ZNF214: variants seen among roughly 807,000 people sequenced by gnomAD.
ZNF214 encodes BWSCR2-associated zinc finger protein 1.
In ZNF214, 43 loss-of-function variants were observed where a neutral mutation model predicts 53.9. The observed-to-expected ratio is 0.80, with a 90% confidence interval of 0.63 to 1.03. ZNF214 has a LOEUF of 1.03. Among genes scored for constraint, ZNF214 ranks in the 50% least tolerant of loss-of-function variants. The pLI, the probability that ZNF214 is intolerant of heterozygous loss-of-function variation, is 0.00. For missense variants in ZNF214, 724 were observed against 719.1 expected (o/e 1.01, Z -0.08); for synonymous variants, 217 against 229.5 (o/e 0.95, Z 0.49).
rs189697181 is a variant in ZNF214 at position 7,002,736 on chromosome 11, C to G, written c.100G>C (p.Glu34Gln). 7.0e-5 allele frequency: 113 copies of G among 1,606,616 alleles called. No homozygotes were observed. The Middle Eastern group carries it at 1.0e-3, about 14-fold the overall frequency. The change falls in exon 2 of 3, where the codon GAG becomes CAG. Residue 34 changes from glutamate to glutamine, a missense_variant. Physicochemically the swap from Glu to Gln is conservative, Grantham distance 29 (BLOSUM62 2). Coordinates refer to ENST00000278314, the MANE Select transcript of ZNF214 (RefSeq NM_013249.4). The part of the protein sequence containing the change: ...QKRLYREVMW[E>Q]NYTNVMSVEN... Reference sequence around the variant, plus strand: ...ACTGACATGACATTTGTGTAGTTCTCCCACATGACCTCCCTGTAGAGTCTT... The same window carrying G: ...ACTGACATGACATTTGTGTAGTTCTGCCACATGACCTCCCTGTAGAGTCTT...
chr11:7,012,587 G>GA (rs1239435156), intron 1 of ZNF214, among the ~76,000 whole-genome samples: 1 of 151,942 alleles, frequency 6.6e-6, no homozygotes, highest in Non-Finnish European at 1.5e-5. Flanking sequence ...AGCACAAATA[G>GA]AAAAAAATAA....
rs1013808298 is a variant in ZNF214 at position 6,997,168 on chromosome 11, C to T, written c.*2694G>A. Among the ~76,000 whole-genome samples the T allele has an allele frequency of 2.0e-5, 3 of 151,750 alleles. No homozygotes were observed. Among genetic ancestry groups the T allele is most frequent in the African/African-American group, 7.3e-5 (3 of 41,378 alleles). On this transcript the variant is annotated 3_prime_UTR_variant, in exon 3 of 3. Coordinates refer to ENST00000278314, the MANE Select transcript of ZNF214 (RefSeq NM_013249.4). ...CCAGATTTTTTGACAATTACATTTC[C>T]TGAATATTCCAAGAATTTAGAAAAC... is the stretch of plus-strand genomic sequence containing the variant.
At chr11:7,011,353 A>G (rs1217489348) in intron 1 of ZNF214, among the ~76,000 whole-genome samples, 1 of 152,188 alleles carries the variant, frequency 6.6e-6, no homozygotes, top group African/African-American at 2.4e-5. Context: ...TAGGAATGCA[A>G]GGATCGTTCA....
intron 1 of ZNF214, among the ~76,000 whole-genome samples, chr11:7,011,770 T>TA (rs1366715967): frequency 1.3e-5 from 2 of 151,074 alleles, no homozygotes; most frequent in African/African-American, 4.9e-5. Context: ...GAGTATACAA[T>TA]AAACTATAAA....
chr11:7,009,424 A>G (rs12363808), intron 1 of ZNF214, among the ~76,000 whole-genome samples: 14,375 of 152,226 alleles, frequency 0.094, 750 homozygotes, highest in Admixed American at 0.16. Context: ...ACAAAAATCA[A>G]TTCGACATGG....
intron 1 of ZNF214, among the ~76,000 whole-genome samples, chr11:7,016,832 CAATT>C (rs1374461824): frequency 5.9e-5 from 9 of 151,856 alleles, no homozygotes; most frequent in East Asian, 1.9e-4. Flanking sequence ...TAAAATAACA[CAATT>C]AAGAAACAGG....
At chr11:7,009,218 T>G (rs1195072227) in intron 1 of ZNF214, among the ~76,000 whole-genome samples, 1 of 149,364 alleles carries the variant, frequency 6.7e-6, no homozygotes, top group African/African-American at 2.4e-5. Context: ...GGTACTGATA[T>G]GAAAACAGAC....
intron 1 of ZNF214, among the ~76,000 whole-genome samples, chr11:7,010,108 A>C (rs995921957): frequency 6.6e-6 from 1 of 152,156 alleles, no homozygotes; most frequent in Non-Finnish European, 1.5e-5. Flanking sequence ...CCATAAAGAC[A>C]ATAAGCATGT....
At chr11:7,006,118 A>T (rs1851464998) in intron 1 of ZNF214, among the ~76,000 whole-genome samples, 1 of 152,048 alleles carries the variant, frequency 6.6e-6, no homozygotes. Context: ...AGATTCTCTC[A>T]TCTCAGACTA....
At chr11:7,017,499 G>A (rs1851797624) in intron 1 of ZNF214, among the ~76,000 whole-genome samples, 1 of 152,154 alleles carries the variant, frequency 6.6e-6, no homozygotes, top group African/African-American at 2.4e-5. Context: ...CTTAATGGGA[G>A]TCCAAGGTGG....
chr11:7,002,142 C>T (rs903179606), intron 2 of ZNF214, among the ~76,000 whole-genome samples: 2 of 151,900 alleles, frequency 1.3e-5, no homozygotes, highest in Admixed American at 6.6e-5. Context: ...TTGAAAATCC[C>T]GTGACCACCA....
At chr11:7,015,908 C>G (rs911024615) in intron 1 of ZNF214, 3 of 151,890 alleles carry the variant, frequency 2.0e-5, no homozygotes, top group African/African-American at 7.3e-5. Context: ...GAAACGGGTA[C>G]AAATCCAGAA....
rs551989269 is a variant in ZNF214, at chr11:7,013,899, G to A, written c.-21+6174C>T. Among the ~76,000 whole-genome samples the A allele has an allele frequency of 1.5e-3, 224 of 152,238 alleles. 5 individuals are homozygous for A. The highest frequency in any genetic ancestry group is 0.014 in the Admixed American group (219 of 15,292). ...AAGCTTTTATAATAACATCAAATAA[G>A]AAAAGCCATATGATTATTGTAATGG... On this transcript the variant is annotated intron_variant, in intron 1 of 2. Coordinates refer to ENST00000278314, the MANE Select transcript of ZNF214 (RefSeq NM_013249.4).
intron 1 of ZNF214, among the ~76,000 whole-genome samples, chr11:7,015,643 G>T (rs1851746374): frequency 6.6e-6 from 1 of 152,106 alleles, no homozygotes; most frequent in Non-Finnish European, 1.5e-5. Flanking sequence ...ACTCTGCTCA[G>T]TCTTAGGAGA....
At position 7,014,124 on chromosome 11, in the gene ZNF214, C is replaced by T. The variant is rs559595891; in HGVS notation, c.-21+5949G>A. Among the ~76,000 whole-genome samples the T allele has an allele frequency of 2.0e-4, 31 of 152,270 alleles. 1 individual carries two copies. The highest frequency in any genetic ancestry group is 5.9e-4 in the Admixed American group (9 of 15,292). Reference sequence around the variant, plus strand: ...CAACTTTTAAACTACTGTGAAACTACAGCATAATGCAATTAGACAAAATTA... The same window carrying T: ...CAACTTTTAAACTACTGTGAAACTATAGCATAATGCAATTAGACAAAATTA... On this transcript the variant is annotated intron_variant, in intron 1 of 2. Transcript: ENST00000278314.
chr11:7,003,405 TCAG>T (rs148046850), intron 1 of ZNF214, among the ~76,000 whole-genome samples: 2 of 151,940 alleles, frequency 1.3e-5, no homozygotes, highest in East Asian at 1.9e-4. Flanking sequence ...ACTATCATCA[TCAG>T]CAGCAGCAGC....
chr11:7,000,272 T>A lies in ZNF214; in HGVS notation c.1411A>T (p.Thr471Ser). ...AAGCCCTTCCCACATTCAGGACAAG[T>A]ATAGGGTTTCTCCCCTGTATGGACT... ...QRVHTGEKPY[T>S]CPECGKGFSK... Residue 471 changes from threonine (T) to serine (S), a missense_variant, in exon 3 of 3, where the codon ACT becomes TCT. Physicochemically the swap from Thr to Ser is moderately conservative, Grantham distance 58. Coordinates refer to ENST00000278314, the MANE Select transcript of ZNF214 (RefSeq NM_013249.4). 6.2e-7 allele frequency: 1 copy of A among 1,613,274 alleles called. No homozygotes were observed. Among genetic ancestry groups the A allele is most frequent in the Non-Finnish European group, 8.5e-7 (1 of 1,179,558 alleles).
intron 1 of ZNF214, among the ~76,000 whole-genome samples, chr11:7,005,046 T>C (rs1851442560): frequency 6.6e-6 from 1 of 152,118 alleles, no homozygotes; most frequent in African/African-American, 2.4e-5. Flanking sequence ...TAAGATCATT[T>C]CCAGTTTCTT....
Position 7,000,925 on chromosome 11 carries a change from T to C in ZNF214, c.758A>G (p.Lys253Arg). The change falls in exon 3 of 3, where the codon AAA becomes AGA. Residue 253 changes from lysine to arginine, a missense_variant. By Grantham distance (26) the Lys-to-Arg change is conservative. Coordinates refer to ENST00000278314, the MANE Select transcript of ZNF214 (RefSeq NM_013249.4). ...GENLCQCSIC[K>R]ACFSQRSDLY... ...GTCTGATCTCTGAGAGAAGCATGCT[T>C]TACAGATGGAGCATTGACAGAGGTT... is the stretch of plus-strand genomic sequence containing the variant. 1 of 1,613,220 alleles carries C rather than the reference T, an allele frequency of 6.2e-7. No individual in the cohort carries two copies. The highest frequency in any genetic ancestry group is 8.5e-7 in the Non-Finnish European group (1 of 1,179,592).
Sources: allele counts gnomAD v4.1 joint callset (sites outside exome capture counted in the v4.1 genomes callset), GRCh38; gene constraint gnomAD v4.1.1; transcripts MANE v1.5; gene names NCBI Gene and HGNC (gene_info 2026-07-23, HGNC 2026-07-21).